Variants in DENND2A observed in about 807,000 individuals in gnomAD.
DENND2A encodes the protein DENN domain containing 2A.
In DENND2A, 53 loss-of-function variants were observed where a neutral mutation model predicts 105.3. That is an observed-to-expected ratio of 0.50 (90% CI 0.40 to 0.63). The LOEUF is 0.63. DENND2A is among the 30% of genes least tolerant of loss of function. DENND2A has a pLI of 0.00. For missense variants in DENND2A, 1,138 were observed against 1,279.6 expected (o/e 0.89, Z 1.69); for synonymous variants, 522 against 508.4 (o/e 1.03, Z -0.36).
chr7:140,624,466 G>C (rs1800430115), intron 1 of DENND2A, among the ~76,000 whole-genome samples: 1 of 152,196 alleles, frequency 6.6e-6, no homozygotes, highest in Non-Finnish European at 1.5e-5. Flanking sequence ...GGACGCCAGG[G>C]CTGCAGGTGA....
In DENND2A at chr7:140,601,554, C is replaced by G. The variant is rs1275279476; in HGVS notation, c.844G>C (p.Asp282His). Reference sequence around the variant, plus strand: ...CTGAAGCCGATGCCAGGCTTCCCATCTTTGTCCCCTTCTCCGGCATGTTTG... The same window carrying G: ...CTGAAGCCGATGCCAGGCTTCCCATGTTTGTCCCCTTCTCCGGCATGTTTG... ...TFKHAGEGDKDGKPGIGFRKE... is the reference protein window; with the variant it reads ...TFKHAGEGDKHGKPGIGFRKE... The change falls in exon 3 of 20, where the codon GAT (aspartate) becomes CAT (histidine). Residue 282 changes from aspartate to histidine, a missense_variant. This residue lies in a region of DENND2A where 511 missense variants were observed against 499.9 expected (regional missense o/e 1.02). Coordinates refer to ENST00000496613, the MANE Select transcript of DENND2A (RefSeq NM_015689.5). 1 of 1,614,194 alleles carries G rather than the reference C, an allele frequency of 6.2e-7. No individual in the cohort carries two copies.
At chr7:140,592,695 G>A (rs1799112237) in intron 3 of DENND2A, among the ~76,000 whole-genome samples, 1 of 151,798 alleles carries the variant, frequency 6.6e-6, no homozygotes, top group African/African-American at 2.4e-5. Context: ...CGCCTCCAGG[G>A]TTCAAGCAAT....
rs754429763 is a variant in DENND2A at position 140,555,695 on chromosome 7, G to A, written c.1978C>T (p.Arg660Cys). The stretch of plus-strand genomic sequence containing the variant: ...ACAATGCAGTAAACTTCAGGAAGGC[G>A]CTTCCCTTTGCCTCCAGGCTTTTCG... The part of the protein sequence containing the change: ...RRLLPGGKGK[R>C]LPEVYCIVSR... The change falls in exon 12 of 20, where the codon CGC becomes TGC. Residue 660 changes from arginine (R) to cysteine (C), a missense_variant. This residue lies in a region of DENND2A where 627 missense variants were observed against 779.8 expected (regional missense o/e 0.80). Coordinates refer to ENST00000496613, the MANE Select transcript of DENND2A (RefSeq NM_015689.5). 19 of 1,606,802 alleles carry A rather than the reference G, an allele frequency of 1.2e-5. 1 individual carries two copies. In the South Asian group the frequency reaches 1.8e-4, roughly 15 times the overall value.
intron 12 of DENND2A, among the ~76,000 whole-genome samples, chr7:140,547,930 A>G (rs1041116932): frequency 7.9e-5 from 12 of 152,160 alleles, no homozygotes; most frequent in African/African-American, 2.7e-4. Flanking sequence ...GAATAGAAAA[A>G]TCCAGAGAGA....
intron 1 of DENND2A, among the ~76,000 whole-genome samples, chr7:140,626,967 C>G (rs1800555971): frequency 6.6e-6 from 1 of 152,184 alleles, no homozygotes; most frequent in Admixed American, 6.6e-5. Context: ...GGACCTCGAT[C>G]AAGATACATT....
chr7:140,556,610 G>A (rs1396941955), intron 11 of DENND2A, among the ~76,000 whole-genome samples: 1 of 152,230 alleles, frequency 6.6e-6, no homozygotes, highest in Non-Finnish European at 1.5e-5. Flanking sequence ...AAAGTGCTAG[G>A]ATTACTGGTG....
At position 140,559,603 on chromosome 7, in the gene DENND2A, G is replaced by A; in HGVS notation, c.1889+105C>T. The A allele has an allele frequency of 1.2e-6, 1 of 808,248 alleles. No homozygotes were observed. Among genetic ancestry groups the A allele is most frequent in the Non-Finnish European group, 2.0e-6 (1 of 489,488 alleles). The allele number at this position is 808,248 out of a possible 1,614,324, so 50.1% of individuals were successfully genotyped here. On this transcript the variant is annotated intron_variant, in intron 10 of 19. Transcript: ENST00000496613. This position sits in a 1 kb window ranked among gnomAD's most constrained non-coding sequence, Gnocchi z 4.1. ...GAAAGCTCTAGGCCAGGCCCATCAGGATTACTTAACGGTGGGAATGACTCA... is the reference window on the plus strand; with the variant it reads ...GAAAGCTCTAGGCCAGGCCCATCAGAATTACTTAACGGTGGGAATGACTCA...
chr7:140,563,676 TAAAAAAAAAAA>T (rs139848094), intron 9 of DENND2A, among the ~76,000 whole-genome samples: 2 of 29,246 alleles, frequency 6.8e-5, no homozygotes, highest in South Asian at 1.7e-3. Context: ...ACCATTGCAT[TAAAAAAAAAAA>T]AAAAAAAAAA....
At chr7:140,539,061 C>G (rs1244007534) in intron 14 of DENND2A, among the ~76,000 whole-genome samples, 1 of 152,172 alleles carries the variant, frequency 6.6e-6, no homozygotes, top group Non-Finnish European at 1.5e-5. Context: ...TGGCCTCAAG[C>G]AATCCACCGG....
intron 14 of DENND2A, among the ~76,000 whole-genome samples, chr7:140,534,076 G>A (rs574603774): frequency 1.1e-5 from 1 of 90,798 alleles, no homozygotes; most frequent in African/African-American, 4.3e-5. Context: ...ACCAATGCCT[G>A]GTTAATTTTT....
chr7:140,577,732 A>T (rs1798363802), intron 5 of DENND2A, among the ~76,000 whole-genome samples: 1 of 152,144 alleles, frequency 6.6e-6, no homozygotes, highest in Admixed American at 6.6e-5. Flanking sequence ...ATTGTACTTA[A>T]GGCTTTGTGG....
intron 12 of DENND2A, among the ~76,000 whole-genome samples, chr7:140,547,958 G>T (rs1172796604): frequency 6.6e-6 from 1 of 152,200 alleles, no homozygotes; most frequent in Non-Finnish European, 1.5e-5. Context: ...TGGATTGGAG[G>T]TTGCTTAGAG....
At chr7:140,535,073 T>A (rs776636262) in intron 14 of DENND2A, among the ~76,000 whole-genome samples, 7 of 152,212 alleles carry the variant, frequency 4.6e-5, no homozygotes, top group Non-Finnish European at 1.0e-4. Flanking sequence ...TGCTCCATAC[T>A]TGGTGTTCCT....
At chr7:140,632,348 T>C (rs1800761222) in intron 1 of DENND2A, among the ~76,000 whole-genome samples, 1 of 151,876 alleles carries the variant, frequency 6.6e-6, no homozygotes, top group African/African-American at 2.4e-5. Flanking sequence ...TTCCCTAAAC[T>C]CAAGCCTCAA....
In DENND2A at chr7:140,559,107, G is replaced by A. The variant is rs960118643; in HGVS notation, c.1889+601C>T. 1.3e-5 allele frequency among the ~76,000 whole-genome samples: 2 copies of A among 152,168 alleles called. No homozygotes were observed. The highest frequency in any genetic ancestry group is 2.1e-4 in the South Asian group (1 of 4,832). On this transcript the variant is annotated intron_variant, in intron 10 of 19. Coordinates refer to ENST00000496613, the MANE Select transcript of DENND2A (RefSeq NM_015689.5). The surrounding 1 kb of genome is among the most constrained non-coding windows in gnomAD (Gnocchi z 4.1). The stretch of plus-strand genomic sequence containing the variant: ...ATCTGCTCATCTAGGGATGTGACTC[G>A]GTGAGGGAGCAGCGGAAGATGGGGA...
In DENND2A at chr7:140,601,957, A is replaced by T. The variant is rs1799524750; in HGVS notation, c.441T>A (p.Leu147=). Residue 147 remains leucine (L), a synonymous_variant, in exon 3 of 20, where the codon CTT becomes CTA. Transcript: ENST00000496613. ...PSWGRGREPR[L]GKLRFQNDPL... is the part of the protein sequence containing the mutation. ...GATCGTTCTGAAAGCGTAGCTTGCC[A>T]AGTCTTGGCTCTCGGCCTCGGCCCC... The T allele has an allele frequency of 3.7e-6, 6 of 1,614,036 alleles. No homozygotes were observed. The South Asian group carries it at 6.6e-5, about 18-fold the overall frequency.
intron 5 of DENND2A, among the ~76,000 whole-genome samples, chr7:140,582,284 G>C (rs1798578737): frequency 6.6e-6 from 1 of 152,036 alleles, no homozygotes; most frequent in South Asian, 2.1e-4. Flanking sequence ...GTTTTTCATT[G>C]TTCCTCAGGG....
intron 11 of DENND2A, among the ~76,000 whole-genome samples, chr7:140,557,532 T>TATATATATATATA (rs71173208): frequency 1.5e-3 from 21 of 14,262 alleles, no homozygotes; most frequent in South Asian, 0.014. Flanking sequence ...TATATATATA[T>TATATATATATATA]TTTTTTTTTT....
intron 9 of DENND2A, among the ~76,000 whole-genome samples, chr7:140,564,723 C>T (rs1358021505): frequency 1.3e-5 from 2 of 152,166 alleles, no homozygotes; most frequent in Non-Finnish European, 2.9e-5. Context: ...ATCATTTGAT[C>T]ATTATGGTGA....
Sources: gnomAD v4.1 joint callset for allele counts (sites outside exome capture counted in the v4.1 genomes callset) on GRCh38, gnomAD v4.1.1 for gene constraint, gnomAD v4.1.1 regional missense constraint, Gnocchi (gnomAD v3.1) non-coding constraint, MANE v1.5 for transcripts, NCBI Gene and HGNC (gene_info 2026-07-23, HGNC 2026-07-21) for gene names.